Variants in ZMYM3 observed in about 807,000 individuals in gnomAD.
ZMYM3 encodes zinc finger MYM-type protein 3.
Under a neutral mutation model 94.2 loss-of-function variants are expected in ZMYM3, and 6 were observed. The observed-to-expected ratio is 0.06, with a 90% CI of 0.03 to 0.13. The LOEUF (loss-of-function observed/expected upper bound fraction) is 0.13, where lower values mean the gene tolerates loss of function less well. Ranked by LOEUF, ZMYM3 falls within the 10% of genes least tolerant of loss-of-function variation. The pLI is 1.00. For synonymous variants in ZMYM3, 420 were observed against 426.5 expected (o/e 0.98, Z 0.19); for missense variants, 664 against 1,132.6 (o/e 0.59, Z 5.94).
At chrX:71,246,574 C>G in intron 14 of ZMYM3, 21 bp downstream of exon 14, 1 of 1,208,918 alleles carries the variant, frequency 8.3e-7, no homozygotes, top group East Asian at 3.0e-5. Context: ...GATTATCCTC[C>G]CCCTTGGCTT....
At chrX:71,251,392 G>A in intron 3 of ZMYM3, 148 bp from the exon 4 acceptor site, 4 of 913,818 alleles carry the variant, frequency 4.4e-6, no homozygotes, top group Non-Finnish European at 6.1e-6. Flanking sequence ...AAGAAAAGGA[G>A]GTTGGACTTT....
At chrX:71,247,599 T>C (rs2030239569) in intron 12 of ZMYM3, 89 bp from the exon 13 acceptor site, 2 of 1,144,706 alleles carry the variant, frequency 1.7e-6, no homozygotes, top group Admixed American at 2.5e-5. Context: ...CTCCTCCCCT[T>C]GGAGATCGGG....
Position 71,242,473 on chromosome X carries a change from A to G in ZMYM3, c.3548-49T>C, listed in dbSNP as rs755641941. 7.6e-6 allele frequency: 9 copies of G among 1,189,506 alleles called. No homozygotes were observed. The African/African-American group carries it at 1.6e-4, about 21-fold the overall frequency. ...CCAGTCAGGAGGGAGTGGCTACCCA[A>G]ACCCAACCACTTCCCATCCCATGTG... On this transcript the variant is annotated intron_variant, in intron 22 of 24. Transcript: ENST00000314425.
Position 71,248,680 on chromosome X carries a change from G to T in ZMYM3, c.1737+6C>A. The T allele has an allele frequency of 1.7e-6, 2 of 1,190,481 alleles. No individual in the cohort carries two copies. Among genetic ancestry groups the T allele is most frequent in the Non-Finnish European group, 2.3e-6 (2 of 882,256 alleles). On this transcript the variant is annotated splice_donor_region_variant and intron_variant, in intron 9 of 24. Transcript: ENST00000314425. Reference sequence around the variant, plus strand: ...CCTTCTATCCCTGGTCCAGGGTCTGGAGTACCTGGAACTTGGTCCAGCAGC... The same window carrying T: ...CCTTCTATCCCTGGTCCAGGGTCTGTAGTACCTGGAACTTGGTCCAGCAGC...
In ZMYM3 at chrX:71,246,046, C is replaced by T; in HGVS notation, c.2625G>A (p.Val875=). Residue 875 remains valine (V), a synonymous_variant, in exon 16 of 25, where the codon GTG becomes GTA. Transcript: ENST00000314425. The part of the protein sequence containing the change: ...IVLPIPVPIF[V]PVPMHLYCQK... Reference sequence around the variant, plus strand: ...GGCAGTACAGATGCATAGGCACTGGCACGAAGATGGGCACTGGGATGGGCA... The same window carrying T: ...GGCAGTACAGATGCATAGGCACTGGTACGAAGATGGGCACTGGGATGGGCA... 3 of 1,211,461 alleles carry T rather than the reference C, an allele frequency of 2.5e-6. No individual in the cohort carries two copies. Among genetic ancestry groups the T allele is most frequent in the Non-Finnish European group, 3.4e-6 (3 of 895,418 alleles).
chrX:71,241,858 C>T (rs1440979258), intron 23 of ZMYM3, among the ~76,000 whole-genome samples: 1 of 111,616 alleles, frequency 9.0e-6, no homozygotes, highest in East Asian at 2.8e-4. Flanking sequence ...GTCATTCTAC[C>T]CTCCCCGACA....
At chrX:71,243,255 G>A (rs553793780) in intron 21 of ZMYM3, among the ~76,000 whole-genome samples, 171 bp from the exon 22 acceptor site, 3 of 111,304 alleles carry the variant, frequency 2.7e-5, no homozygotes, top group African/African-American at 3.3e-5. Context: ...ACAGCTCTGC[G>A]CTACTCAGGC....
At chrX:71,254,765 G>T (rs1248451288), upstream of ZMYM3, 1 of 111,650 alleles carries the variant, frequency 9.0e-6, no homozygotes, top group Admixed American at 9.4e-5. Context: ...GCGGAGGACG[G>T]GGGGAGGCAG....
At chrX:71,247,689 C>A (rs750337072) in intron 12 of ZMYM3, 45 bp downstream of exon 12, 1 of 1,188,809 alleles carries the variant, frequency 8.4e-7, no homozygotes, top group South Asian at 1.9e-5. Context: ...CCCGTGCTCC[C>A]CACTGCCCTC....
chrX:71,247,283 G>C (rs2030221704), intron 13 of ZMYM3, 62 bp downstream of exon 13: 3 of 1,077,189 alleles, frequency 2.8e-6, no homozygotes, highest in Non-Finnish European at 3.8e-6. Context: ...AAAGGGGCTA[G>C]GCTTAGGATT....
rs5981093 is a variant in ZMYM3, at chrX:71,245,222, C to T, written c.3007+117G>A. 1,811 of 1,014,572 alleles carry T rather than the reference C, an allele frequency of 1.8e-3. 18 individuals are homozygous for T. The African/African-American group carries it at 0.029, about 16-fold the overall frequency. 83.6% of individuals were successfully genotyped at this position (1,014,572 alleles called of 1,213,427 possible). On this transcript the variant is annotated intron_variant, in intron 18 of 24. Transcript: ENST00000314425. The stretch of plus-strand genomic sequence containing the variant: ...GGCACTGCTCCCTGTGAGAACCTTC[C>T]GTCTTAGAATCACAATGAACACTTT...
At position 71,245,502 on chromosome X, in the gene ZMYM3, T is replaced by C. The variant is rs147504479; in HGVS notation, c.2861-17A>G. 2.5e-5 allele frequency: 30 copies of C among 1,196,011 alleles called. No homozygotes were observed. The East Asian group carries it at 9.0e-4, about 36-fold the overall frequency. On this transcript the variant is annotated splice_polypyrimidine_tract_variant and intron_variant, in intron 17 of 24. Coordinates refer to ENST00000314425, the MANE Select transcript of ZMYM3 (RefSeq NM_201599.3). ...TCACAAGATCTGGGAAGCAGAGAAG[T>C]TGGCTCAGTGGTTACAAGCTCCTGC...
rs1473757695 is a variant in ZMYM3 at position 71,252,887 on chromosome X, C to A, written c.369G>T (p.Val123=). The stretch of plus-strand genomic sequence containing the variant: ...CCCCAGCCCCTGGATCAGGTGGTAC[C>A]ACCTCAGGGGTCTGGCCCCCTGGTC... The part of the protein sequence containing the change: ...EPGPGGQTPE[V]VPPDPGAGAN... Residue 123 remains valine (V), a synonymous_variant, in exon 2 of 25, where the codon GTG becomes GTT. Coordinates refer to ENST00000314425, the MANE Select transcript of ZMYM3 (RefSeq NM_201599.3). 3 of 1,208,764 alleles carry A rather than the reference C, an allele frequency of 2.5e-6. No individual in the cohort carries two copies. The highest frequency in any genetic ancestry group is 1.7e-5 in the African/African-American group (1 of 57,347).
At position 71,250,165 on chromosome X, in the gene ZMYM3, G is replaced by C. The variant is rs751482624; in HGVS notation, c.1112C>G (p.Thr371Ser). Reference sequence around the variant, plus strand: ...CTCATGGAAGGAGCCTCCAGAACCAGTCTGCGCCACAACCGAGTCCTTGGT... The same window carrying C: ...CTCATGGAAGGAGCCTCCAGAACCACTCTGCGCCACAACCGAGTCCTTGGT... Reference protein sequence around the residue: ...WNTKDSVVAQTGSGGSFHEFC... With the variant: ...WNTKDSVVAQSGSGGSFHEFC... Residue 371 changes from threonine (T) to serine (S), a missense_variant, in exon 6 of 25, where the codon ACT becomes AGT. This residue lies in a region of ZMYM3 where 51 missense variants were observed against 53.0 expected (regional missense o/e 0.96). Coordinates refer to ENST00000314425, the MANE Select transcript of ZMYM3 (RefSeq NM_201599.3). 1.7e-6 allele frequency: 2 copies of C among 1,197,401 alleles called. No individual in the cohort carries two copies. Among genetic ancestry groups the C allele is most frequent in the Non-Finnish European group, 2.2e-6 (2 of 889,317 alleles).
chrX:71,253,091 T>C lies in ZMYM3; in HGVS notation c.165A>G (p.Gly55=). The C allele has an allele frequency of 1.7e-6, 2 of 1,201,411 alleles. No individual in the cohort carries two copies. The highest frequency in any genetic ancestry group is 3.6e-5 in the South Asian group (2 of 55,312). The change falls in exon 2 of 25, where the codon GGA becomes GGG. Residue 55 remains glycine (G), a synonymous_variant. Coordinates refer to ENST00000314425, the MANE Select transcript of ZMYM3 (RefSeq NM_201599.3). ...WAPPGPSPSS[G]ALDLLDTPAG... ...CAGGGGTATCAAGCAGGTCCAGGGCTCCCGAGGATGGAGAAGGGCCAGGGG... is the reference window on the plus strand; with the variant it reads ...CAGGGGTATCAAGCAGGTCCAGGGCCCCCGAGGATGGAGAAGGGCCAGGGG...
chrX:71,247,727 T>C lies in ZMYM3; in HGVS notation c.2148+7A>G. 8.3e-7 allele frequency: 1 copy of C among 1,207,757 alleles called. No individual in the cohort carries two copies. On this transcript the variant is annotated splice_region_variant and intron_variant, in intron 12 of 24. Coordinates refer to ENST00000314425, the MANE Select transcript of ZMYM3 (RefSeq NM_201599.3). ...TCCCGCCTCGCTCGCATGCTGACCC[T>C]CCTTACCTTGCAGTACCACAGCAGG... is the stretch of plus-strand genomic sequence containing the variant.
chrX:71,249,883 G>T, intron 6 of ZMYM3, 143 bp downstream of exon 6: 1 of 1,027,397 alleles, frequency 9.7e-7, no homozygotes, highest in Non-Finnish European at 1.3e-6. Context: ...GAGAAGCTCT[G>T]TCCTTGAATA....
At chrX:71,241,432 G>A (rs772827505) in intron 23 of ZMYM3, 88 bp from the exon 24 acceptor site, 6 of 707,907 alleles carry the variant, frequency 8.5e-6, no homozygotes, top group Non-Finnish European at 1.2e-5. Flanking sequence ...ACAGGGAGAA[G>A]GCGTCACGAC....
In ZMYM3 at chrX:71,245,932, T is replaced by C. The variant is rs976314681; in HGVS notation, c.2685+54A>G. Reference sequence around the variant, plus strand: ...ACAGATGATGAGTGAAGGGGGACAGTTGATGAGAGTAAGGGGAAAGGAGGA... The same window carrying C: ...ACAGATGATGAGTGAAGGGGGACAGCTGATGAGAGTAAGGGGAAAGGAGGA... On this transcript the variant is annotated intron_variant, in intron 16 of 24. Transcript: ENST00000314425. 13 of 1,188,057 alleles carry C rather than the reference T, an allele frequency of 1.1e-5. No homozygotes were observed. The South Asian group carries it at 2.4e-4, about 22-fold the overall frequency.
Sources: allele counts gnomAD v4.1 joint callset (sites outside exome capture counted in the v4.1 genomes callset), GRCh38; gene constraint gnomAD v4.1.1; regional missense constraint gnomAD v4.1.1; transcripts MANE v1.5; gene names NCBI Gene and HGNC (gene_info 2026-07-23, HGNC 2026-07-21).